The following MYO10 variants were observed in gnomAD, a reference collection of about 807,000 sequenced individuals.
MYO10 encodes myosin X.
MYO10 carries 133 observed loss-of-function variants against 257.3 expected under a neutral mutation model. The observed-to-expected ratio is 0.52, with a 90% CI of 0.45 to 0.60. MYO10 has a LOEUF of 0.60. Among genes scored for constraint, MYO10 ranks in the 20% least tolerant of loss-of-function variants. The probability of loss-of-function intolerance (pLI) is 0.00; values close to 1 mark genes in which losing one functional copy is unlikely to be tolerated. For synonymous variants in MYO10, 1,104 were observed against 1,028.6 expected, an observed-to-expected ratio of 1.07 and a Z score of -1.40; for missense variants, 2,399 against 2,635.7, an observed-to-expected ratio of 0.91 and a Z score of 1.97.
At position 16,670,745 on chromosome 5, in the gene MYO10, G is replaced by T. The variant is rs1449765475; in HGVS notation, c.5664C>A (p.Thr1888=). ...ATCCTGTCCGGAAGCTCCGCCTCAG[G>T]GTCCCCTCTAGGAAGCTCGTCCGCC... is the stretch of plus-strand genomic sequence containing the variant. ...EKRRTSFLEG[T]LRRSFRTGSV... Residue 1888 remains threonine, a synonymous_variant, in exon 39 of 41, where the codon ACC becomes ACA. Transcript: ENST00000513610. The T allele has an allele frequency of 6.2e-7, 1 of 1,613,948 alleles. No homozygotes were observed. The highest frequency in any genetic ancestry group is 1.1e-5 in the South Asian group (1 of 91,078).
chr5:16,784,027 T>A (rs1172010515), intron 4 of MYO10, among the ~76,000 whole-genome samples: 1 of 152,222 alleles, frequency 6.6e-6, no homozygotes, highest in African/African-American at 2.4e-5. Flanking sequence ...GGACTCTTAA[T>A]GCCAGCTCGG....
intron 27 of MYO10, among the ~76,000 whole-genome samples, chr5:16,693,900 T>C (rs1737617482): frequency 6.6e-6 from 1 of 152,182 alleles, no homozygotes; most frequent in South Asian, 2.1e-4. Flanking sequence ...CTGCTGGGAA[T>C]GGGGATGGCT....
chr5:16,766,541 T>C (rs1287842740), intron 10 of MYO10, among the ~76,000 whole-genome samples: 1 of 152,118 alleles, frequency 6.6e-6, no homozygotes, highest in Non-Finnish European at 1.5e-5. Context: ...GCCATTCTCC[T>C]GCCTCAGCCT....
intron 3 of MYO10, among the ~76,000 whole-genome samples, chr5:16,816,650 G>A (rs201711314): frequency 7.0e-6 from 1 of 142,540 alleles, no homozygotes; most frequent in African/African-American, 2.6e-5. Flanking sequence ...CCTGCCTCAG[G>A]CTCCCGAGTA....
Position 16,676,165 on chromosome 5 carries a change from A to G in MYO10, c.4543-11T>C. On this transcript the variant is annotated splice_polypyrimidine_tract_variant and intron_variant, in intron 33 of 40. Coordinates refer to ENST00000513610, the MANE Select transcript of MYO10 (RefSeq NM_012334.3). ...GTTCAGGCAGTTCTCCTAAAAATAA[A>G]GCAAGCAAGCTTATTGTAAGAAACC... The G allele has an allele frequency of 6.2e-7, 1 of 1,610,782 alleles. No homozygotes were observed. Among genetic ancestry groups the G allele is most frequent in the Admixed American group, 1.7e-5 (1 of 59,144 alleles).
intron 30 of MYO10, among the ~76,000 whole-genome samples, chr5:16,682,512 A>G (rs988512004): frequency 3.9e-5 from 6 of 152,216 alleles, no homozygotes; most frequent in African/African-American, 9.7e-5. Context: ...GTGATCTAAC[A>G]AGGGTGCATT....
chr5:16,875,496 G>T (rs1478099441), intron 2 of MYO10, among the ~76,000 whole-genome samples: 1 of 152,076 alleles, frequency 6.6e-6, no homozygotes, highest in Non-Finnish European at 1.5e-5. Flanking sequence ...AACTAGACTG[G>T]GTGTTGGTGA....
At chr5:16,730,601 C>T (rs531779425) in intron 19 of MYO10, among the ~76,000 whole-genome samples, 1 of 152,164 alleles carries the variant, frequency 6.6e-6, no homozygotes, top group South Asian at 2.1e-4. Context: ...TCAGCTGGTA[C>T]GGGATGCCAA....
intron 8 of MYO10, among the ~76,000 whole-genome samples, chr5:16,779,978 C>T (rs1326582012): frequency 3.9e-5 from 6 of 152,048 alleles, no homozygotes; most frequent in Admixed American, 3.3e-4. Flanking sequence ...CTCAGCTCAC[C>T]GCAACTTCTG....
chr5:16,675,967 A>G (rs1052553638), intron 34 of MYO10, 64 bp downstream of exon 34: 7 of 1,522,696 alleles, frequency 4.6e-6, no homozygotes, highest in African/African-American at 1.4e-5. Context: ...GTGTTAAGCT[A>G]AAGAGTTAGC....
chr5:16,935,485 G>GGC (rs1412167464), intron 1 of MYO10, among the ~76,000 whole-genome samples: 1 of 151,980 alleles, frequency 6.6e-6, no homozygotes, highest in Non-Finnish European at 1.5e-5. Flanking sequence ...CCCGCGCCCC[G>GGC]GCGCGCGCCG....
chr5:16,764,300 C>T lies in MYO10; in HGVS notation c.1276G>A (p.Asp426Asn), dbSNP rs573227270. ...TCGAGGATGCCAATAGACTTGAAGT[C>T]CTCATTGCCTTTGATCCTGCTGTTG... ...KINSRIKGNE[D>N]FKSIGILDIF... Residue 426 changes from aspartate to asparagine, a missense_variant, in exon 12 of 41, where the codon GAC becomes AAC. This residue lies in a region of MYO10 where 337 missense variants were observed against 446.8 expected (regional missense o/e 0.75). Transcript: ENST00000513610. 102 of 1,614,028 alleles carry T rather than the reference C, an allele frequency of 6.3e-5. No homozygotes were observed. The East Asian group carries it at 1.9e-3, about 30-fold the overall frequency.
intron 2 of MYO10, among the ~76,000 whole-genome samples, chr5:16,825,339 T>C (rs560228114): frequency 1.1e-4 from 17 of 152,262 alleles, no homozygotes; most frequent in African/African-American, 4.1e-4. Context: ...ACTTATCCAT[T>C]ATCTTGTTTA....
chr5:16,703,295 A>G (rs1299047271), intron 22 of MYO10, 137 bp from the exon 23 acceptor site: 2 of 651,292 alleles, frequency 3.1e-6, no homozygotes. Context: ...AACTGGAGAG[A>G]ACAAGGAGGC....
intron 25 of MYO10, among the ~76,000 whole-genome samples, chr5:16,700,295 C>T (rs952895066): frequency 5.9e-5 from 9 of 151,998 alleles, no homozygotes; most frequent in South Asian, 2.1e-4. Flanking sequence ...CATTTCCTAA[C>T]GCAGCACGGC....
At chr5:16,867,029 G>A (rs942853400) in intron 2 of MYO10, among the ~76,000 whole-genome samples, 2 of 152,232 alleles carry the variant, frequency 1.3e-5, no homozygotes, top group Admixed American at 1.3e-4. Context: ...AGTTCACAGT[G>A]AGCAGTGGGA....
At chr5:16,908,673 T>C (rs1295721492) in intron 1 of MYO10, among the ~76,000 whole-genome samples, 1 of 152,188 alleles carries the variant, frequency 6.6e-6, no homozygotes. Context: ...GAAATCAACA[T>C]AAATATTGAA....
rs760413764 is a variant in MYO10, at chr5:16,766,166, C to A, written c.1093G>T (p.Asp365Tyr). 1.2e-6 allele frequency: 2 copies of A among 1,613,752 alleles called. No homozygotes were observed. Among genetic ancestry groups the A allele is most frequent in the Admixed American group, 3.3e-5 (2 of 60,016 alleles). The change falls in exon 11 of 41, where the codon GAC becomes TAC. Residue 365 changes from aspartate to tyrosine, a missense_variant. Asp to Tyr is a radical substitution (Grantham distance 160). This residue lies in a region of MYO10 where 337 missense variants were observed against 446.8 expected (regional missense o/e 0.75). Transcript: ENST00000513610. ...AAAGCATCTGTGAGCTGTGTTGGGTCCAGCCCAAGTAACTCCGCAGATCTG... is the reference window on the plus strand; with the variant it reads ...AAAGCATCTGTGAGCTGTGTTGGGTACAGCCCAAGTAACTCCGCAGATCTG... ...LGRSAELLGL[D>Y]PTQLTDALTQ...
chr5:16,920,442 T>G (rs987831143), intron 1 of MYO10, among the ~76,000 whole-genome samples: 1 of 152,102 alleles, frequency 6.6e-6, no homozygotes, highest in South Asian at 2.1e-4. Context: ...TCGATTCCAT[T>G]TATACAATAC....
Sources: allele counts gnomAD v4.1 joint callset (sites outside exome capture counted in the v4.1 genomes callset), GRCh38; gene constraint gnomAD v4.1.1; regional missense constraint gnomAD v4.1.1; transcripts MANE v1.5; gene names NCBI Gene and HGNC (gene_info 2026-07-23, HGNC 2026-07-21).